Variants in CCDC181 observed in about 807,000 individuals in gnomAD.
CCDC181 encodes the protein coiled-coil domain-containing protein 181.
A neutral mutation model predicts 58.7 loss-of-function variants in CCDC181; 35 were observed. The ratio of observed to expected loss-of-function variants is 0.60; its 90% CI spans 0.46 to 0.79. The LOEUF is 0.79. Among genes scored for constraint, CCDC181 ranks in the 30% least tolerant of loss-of-function variants. The pLI is 0.00. For synonymous variants in CCDC181, 183 were observed against 197.5 expected, an observed-to-expected ratio of 0.93 and a Z score of 0.62; for missense variants, 517 against 583.9, an observed-to-expected ratio of 0.89 and a Z score of 1.18.
At chr1:169,432,566 AAAG>A (rs1479579040) in intron 2 of CCDC181, among the ~76,000 whole-genome samples, 1 of 152,194 alleles carries the variant, frequency 6.6e-6, no homozygotes, top group East Asian at 1.9e-4. Context: ...AAAAGACAGG[AAAG>A]AAGCAACTCA....
chr1:169,440,933 A>AAAAAAAAAAAAAAAAT (rs1657209977), intron 2 of CCDC181, among the ~76,000 whole-genome samples: 1 of 116,840 alleles, frequency 8.6e-6, no homozygotes, highest in Non-Finnish European at 1.7e-5. Flanking sequence ...AGACTGTCTA[A>AAAAAAAAAAAAAAAAT]AAAAAAAAAA....
At chr1:169,408,939 C>T (rs12021770) in intron 4 of CCDC181, among the ~76,000 whole-genome samples, 21,712 of 152,092 alleles carry the variant, frequency 0.14, 1,700 homozygotes, top group African/African-American at 0.2. Flanking sequence ...GAAAGCCCTG[C>T]GCAAAAAGGC....
chr1:169,433,082 G>A (rs137920180), intron 2 of CCDC181, among the ~76,000 whole-genome samples: 1,925 of 152,010 alleles, frequency 0.013, 25 homozygotes, highest in Middle Eastern at 0.024. Context: ...GGTCTTATAC[G>A]TAGAAAACCC....
At chr1:169,429,721 T>C (rs1046508200), upstream of CCDC181, among the ~76,000 whole-genome samples, 12 of 152,194 alleles carry the variant, frequency 7.9e-5, no homozygotes, top group South Asian at 2.1e-4. Context: ...GTTAGATGCA[T>C]AGTTTGTGAA....
chr1:169,396,229 G>GT (rs981255916), intron 5 of CCDC181: 16 of 152,114 alleles, frequency 1.1e-4, no homozygotes, highest in African/African-American at 3.1e-4. Flanking sequence ...CACATTTACT[G>GT]TTTCTGTTAT....
intron 4 of CCDC181, among the ~76,000 whole-genome samples, chr1:169,406,806 AC>A (rs1447447796): frequency 6.6e-6 from 1 of 151,260 alleles, no homozygotes; most frequent in Non-Finnish European, 1.5e-5. Context: ...AAGAAAAAAA[AC>A]CCACCACAAA....
At chr1:169,398,800 GTGAC>G (rs1248789501) in intron 4 of CCDC181, among the ~76,000 whole-genome samples, 2 of 152,150 alleles carry the variant, frequency 1.3e-5, no homozygotes, top group East Asian at 1.9e-4. Flanking sequence ...ATAAAAATAA[GTGAC>G]TGACTGATTG....
intron 4 of CCDC181, among the ~76,000 whole-genome samples, chr1:169,410,565 C>T (rs1655911248): frequency 6.6e-6 from 1 of 152,192 alleles, no homozygotes; most frequent in Non-Finnish European, 1.5e-5. Flanking sequence ...ATAGAACTCT[C>T]CACCTTAAAT....
intron 4 of CCDC181, among the ~76,000 whole-genome samples, chr1:169,402,460 G>A (rs1238882924): frequency 4.6e-5 from 7 of 152,080 alleles, no homozygotes; most frequent in African/African-American, 7.2e-5. Context: ...CGGATCTCTC[G>A]GCAGAAACTC....
At position 169,421,526 on chromosome 1, in the gene CCDC181, G is replaced by A. The variant is rs77446610; in HGVS notation, c.905C>T (p.Pro302Leu). 9.0e-5 allele frequency: 146 copies of A among 1,614,094 alleles called. 1 individual carries two copies. In the East Asian group the frequency reaches 2.9e-3, roughly 32 times the overall value. Residue 302 changes from proline (P) to leucine (L), a missense_variant, in exon 3 of 6, where the codon CCA becomes CTA. Coordinates refer to ENST00000367806, the MANE Select transcript of CCDC181 (RefSeq NM_001300969.2). ...TCGATCTGAGTTGACAGCAGAGCTT[G>A]GACAAGTCTTGCGGTTGAGTGGTGG... ...AQPPLNRKTCPSSAVNSDRSK... is the reference protein window; with the variant it reads ...AQPPLNRKTCLSSAVNSDRSK...
intron 2 of CCDC181, among the ~76,000 whole-genome samples, chr1:169,454,103 A>G (rs570493938): frequency 3.7e-4 from 56 of 152,184 alleles, no homozygotes; most frequent in Non-Finnish European, 6.8e-4. Context: ...GAATGTACTC[A>G]TTATAAAACA....
chr1:169,435,196 A>G (rs191104680), intron 2 of CCDC181, among the ~76,000 whole-genome samples: 33 of 152,208 alleles, frequency 2.2e-4, no homozygotes, highest in Admixed American at 1.9e-3. Flanking sequence ...GAAAACATAA[A>G]TATTATGTTA....
chr1:169,425,843 C>T (rs886135581), intron 1 of CCDC181, among the ~76,000 whole-genome samples: 1 of 152,040 alleles, frequency 6.6e-6, no homozygotes, highest in African/African-American at 2.4e-5. Flanking sequence ...CTCTTCAGTG[C>T]TTTCCCTTAT....
chr1:169,428,862 C>T (rs887964724), upstream of CCDC181, among the ~76,000 whole-genome samples: 2 of 152,128 alleles, frequency 1.3e-5, no homozygotes, highest in Non-Finnish European at 1.5e-5. Flanking sequence ...ACCATGTTGC[C>T]CAAGCTGTTC....
At position 169,394,933 on chromosome 1, in the gene CCDC181, TAAA is replaced by T; in HGVS notation, c.*111_*113del. The T allele has an allele frequency of 1.0e-6, 1 of 983,668 alleles. No individual in the cohort carries two copies. The allele number at this position is 983,668 out of a possible 1,614,324, so 60.9% of individuals were successfully genotyped here. A position where few individuals can be genotyped will look rare whatever the true frequency, so the allele number is the denominator to read the frequency against. ...ATTAAAAAAACAAATTCACTGTCAA[TAAA>T]AGATAAATACCATTTCCATAATTTA... is the stretch of plus-strand genomic sequence containing the variant. On this transcript the variant is annotated 3_prime_UTR_variant, in exon 6 of 6. Transcript: ENST00000367806.
chr1:169,452,154 G>A (rs1357277899), intron 2 of CCDC181, among the ~76,000 whole-genome samples: 1 of 151,912 alleles, frequency 6.6e-6, no homozygotes, highest in East Asian at 1.9e-4. Flanking sequence ...TACACCTTAG[G>A]TTACACTTAA....
intron 2 of CCDC181, among the ~76,000 whole-genome samples, chr1:169,438,370 C>T (rs551227644): frequency 1.3e-5 from 2 of 152,178 alleles, no homozygotes; most frequent in African/African-American, 4.8e-5. Context: ...CCTTTCTCTG[C>T]AGCTTCCATA....
chr1:169,449,158 A>T (rs1033799402), intron 2 of CCDC181, among the ~76,000 whole-genome samples: 2 of 152,060 alleles, frequency 1.3e-5, no homozygotes, highest in Non-Finnish European at 2.9e-5. Flanking sequence ...TTTGATTCTT[A>T]TGCTTGCTTT....
intron 2 of CCDC181, chr1:169,443,444 AGAAAC>A (rs1235722201): frequency 1.3e-5 from 2 of 152,134 alleles, no homozygotes; most frequent in South Asian, 4.1e-4. Flanking sequence ...ATTATGGAAA[AGAAAC>A]GAAATGAATC....
Sources: gnomAD v4.1 joint callset for allele counts (sites outside exome capture counted in the v4.1 genomes callset) on GRCh38, gnomAD v4.1.1 for gene constraint, MANE v1.5 for transcripts, NCBI Gene and HGNC (gene_info 2026-07-23, HGNC 2026-07-21) for gene names.